Variants in CCDC7 observed in about 807,000 individuals in gnomAD.
CCDC7 encodes coiled-coil domain-containing protein 7.
Under a neutral mutation model 196.9 loss-of-function variants are expected in CCDC7, and 183 were observed. That is an observed-to-expected ratio of 0.93 (90% CI 0.82 to 1.05). The LOEUF (loss-of-function observed/expected upper bound fraction) is 1.05, where lower values mean the gene tolerates loss of function less well. CCDC7 is among the 50% of genes least tolerant of loss of function. The pLI is 0.00. For missense variants in CCDC7, 1,540 were observed against 1,482.2 expected (o/e 1.04, Z -0.64); for synonymous variants, 525 against 484.6 (o/e 1.08, Z -1.10).
intron 13 of CCDC7, among the ~76,000 whole-genome samples, chr10:32,549,296 A>G (rs1483966050): frequency 2.0e-5 from 3 of 151,986 alleles, no homozygotes; most frequent in Non-Finnish European, 4.4e-5. Flanking sequence ...TGAGTTCGTC[A>G]TAGATATTAG....
intron 21 of CCDC7, among the ~76,000 whole-genome samples, chr10:32,665,487 A>G (rs1263511640): frequency 6.6e-6 from 1 of 152,054 alleles, no homozygotes; most frequent in Non-Finnish European, 1.5e-5. Flanking sequence ...ATTTTTGTAT[A>G]TAGTGTGAGA....
intron 21 of CCDC7, among the ~76,000 whole-genome samples, chr10:32,683,944 T>G (rs945840563): frequency 6.6e-6 from 1 of 152,142 alleles, no homozygotes; most frequent in African/African-American, 2.4e-5. Flanking sequence ...CGAGATAGCT[T>G]TTGAGCTCTA....
chr10:32,584,782 G>C (rs988524628), intron 18 of CCDC7, among the ~76,000 whole-genome samples: 1 of 142,752 alleles, frequency 7.0e-6, no homozygotes, highest in African/African-American at 2.7e-5. Flanking sequence ...AAAAAAGATT[G>C]GTGAGTTATC....
intron 21 of CCDC7, among the ~76,000 whole-genome samples, chr10:32,664,796 T>C (rs556136319): frequency 3.9e-5 from 6 of 152,186 alleles, no homozygotes; most frequent in African/African-American, 1.2e-4. Flanking sequence ...ATATCTCTTT[T>C]ATATACTGAT....
intron 31 of CCDC7, among the ~76,000 whole-genome samples, chr10:32,814,828 G>A (rs1186719642): frequency 1.3e-5 from 2 of 152,182 alleles, no homozygotes; most frequent in Non-Finnish European, 2.9e-5. Flanking sequence ...TACAGTGTTA[G>A]ACACACTTCT....
intron 1 of CCDC7, among the ~76,000 whole-genome samples, chr10:32,452,674 T>C (rs17575342): frequency 0.42 from 64,459 of 151,872 alleles, 15,154 homozygotes; most frequent in Non-Finnish European, 0.55. Flanking sequence ...GTCAGGCTGG[T>C]CTTAAACTCT....
intron 21 of CCDC7, among the ~76,000 whole-genome samples, chr10:32,673,369 A>T (rs2074375052): frequency 6.6e-6 from 1 of 152,106 alleles, no homozygotes; most frequent in Admixed American, 6.6e-5. Context: ...CACTTTGGGT[A>T]GTATGGGCAT....
At chr10:32,804,899 A>G in intron 29 of CCDC7, 116 bp from the exon 31 acceptor site, 2 of 664,058 alleles carry the variant, frequency 3.0e-6, no homozygotes, top group South Asian at 4.2e-5. Flanking sequence ...TATAACTTTT[A>G]TTCATTAATA....
intron 20 of CCDC7, among the ~76,000 whole-genome samples, chr10:32,659,487 C>T (rs1247872101): frequency 6.6e-6 from 1 of 152,164 alleles, no homozygotes; most frequent in Non-Finnish European, 1.5e-5. Flanking sequence ...ACTGCAGGTT[C>T]AGTTCTAGAA....
At chr10:32,560,201 G>A (rs1036138724) in intron 13 of CCDC7, among the ~76,000 whole-genome samples, 14 of 152,202 alleles carry the variant, frequency 9.2e-5, no homozygotes, top group Non-Finnish European at 1.5e-4. Flanking sequence ...TCTGATTGGT[G>A]TACCTGAAAA....
At chr10:32,594,073 C>G (rs1463066166) in intron 18 of CCDC7, among the ~76,000 whole-genome samples, 2 of 152,218 alleles carry the variant, frequency 1.3e-5, no homozygotes, top group South Asian at 2.1e-4. Flanking sequence ...TAGTTTTTTC[C>G]AATTCTGTGA....
chr10:32,556,463 T>G (rs2054365831), intron 13 of CCDC7, among the ~76,000 whole-genome samples: 1 of 152,164 alleles, frequency 6.6e-6, no homozygotes, highest in Non-Finnish European at 1.5e-5. Context: ...CTCAAATTTT[T>G]TATCTATATC....
chr10:32,828,292 CAATT>C (rs2091447306), intron 32 of CCDC7, among the ~76,000 whole-genome samples: 1 of 151,894 alleles, frequency 6.6e-6, no homozygotes, highest in Non-Finnish European at 1.5e-5. Context: ...AACTGTAATT[CAATT>C]ACCTTGTGCA....
intron 29 of CCDC7, among the ~76,000 whole-genome samples, chr10:32,796,273 G>A (rs959195043): frequency 2.6e-5 from 4 of 151,968 alleles, no homozygotes; most frequent in Admixed American, 2.6e-4. Flanking sequence ...GCTTTCTGTG[G>A]GGGAAAGGGA....
At chr10:32,878,653 G>C (rs1441862978), downstream of CCDC7, among the ~76,000 whole-genome samples, 1 of 152,082 alleles carries the variant, frequency 6.6e-6, no homozygotes, top group Non-Finnish European at 1.5e-5. Flanking sequence ...GAGGTAGTCA[G>C]ATCTAAGAAT....
At chr10:32,450,946 T>C (rs779564881), upstream of CCDC7, among the ~76,000 whole-genome samples, 1 of 152,206 alleles carries the variant, frequency 6.6e-6, no homozygotes, top group African/African-American at 2.4e-5. Flanking sequence ...TTTTTTGTTC[T>C]TGTTGTTTTC....
intron 3 of CCDC7, among the ~76,000 whole-genome samples, chr10:32,461,831 G>A (rs1489281343): frequency 6.7e-6 from 1 of 149,294 alleles, no homozygotes; most frequent in Non-Finnish European, 1.5e-5. Context: ...GAGTGCAATG[G>A]CGTGATCTCG....
At chr10:32,674,404 C>G (rs72782254) in intron 21 of CCDC7, among the ~76,000 whole-genome samples, 1 of 151,680 alleles carries the variant, frequency 6.6e-6, no homozygotes, top group Non-Finnish European at 1.5e-5. Flanking sequence ...TTCCATTTTT[C>G]TTTCATTACT....
intron 29 of CCDC7, among the ~76,000 whole-genome samples, chr10:32,781,688 A>G (rs1421413443): frequency 6.6e-6 from 1 of 152,194 alleles, no homozygotes; most frequent in Non-Finnish European, 1.5e-5. Flanking sequence ...AAAATCCACA[A>G]CTAACATCAT....
Sources: allele counts gnomAD v4.1 joint callset (sites outside exome capture counted in the v4.1 genomes callset), GRCh38; gene constraint gnomAD v4.1.1; transcripts MANE v1.5; gene names NCBI Gene and HGNC (gene_info 2026-07-23, HGNC 2026-07-21).